The following KIAA1614 variants were observed in gnomAD, a reference collection of about 807,000 sequenced individuals.
The protein encoded by KIAA1614 is uncharacterized protein KIAA1614.
A neutral mutation model predicts 88.7 loss-of-function variants in KIAA1614; 76 were observed. The ratio of observed to expected loss-of-function variants is 0.86; its 90% CI spans 0.71 to 1.04. The LOEUF (loss-of-function observed/expected upper bound fraction) is 1.04. KIAA1614 is among the 50% of genes least tolerant of loss of function. KIAA1614 has a pLI of 0.00. For synonymous variants in KIAA1614, 714 were observed against 675.5 expected (o/e 1.06, Z -0.88); for missense variants, 1,553 against 1,582.5 (o/e 0.98, Z 0.32).
intron 6 of KIAA1614, 103 bp downstream of exon 6, chr1:180,938,814 C>A (rs1654390743): frequency 2.8e-6 from 3 of 1,055,558 alleles, no homozygotes; most frequent in Admixed American, 4.8e-5. Flanking sequence ...CACCTCCCTG[C>A]CCCTAGTCTT....
chr1:180,932,560 G>GC (rs563471779), intron 4 of KIAA1614, among the ~76,000 whole-genome samples: 138 of 152,292 alleles, frequency 9.1e-4, no homozygotes, highest in Non-Finnish European at 1.7e-3. Flanking sequence ...TGTGCCTGAT[G>GC]AATGAGTAGC....
chr1:180,916,860 G>A lies in KIAA1614; in HGVS notation c.757G>A (p.Asp253Asn), dbSNP rs1286993505. Reference sequence around the variant, plus strand: ...TCCAGATGGCGTGGTGACAGAGGCAGATCTGGATAGCACATCCCTGACCTC... The same window carrying A: ...TCCAGATGGCGTGGTGACAGAGGCAAATCTGGATAGCACATCCCTGACCTC... ...PFPDGVVTEA[D>N]LDSTSLTSEE... The change falls in exon 2 of 9, where the codon GAT becomes AAT. Residue 253 changes from aspartate to asparagine, a missense_variant. Transcript: ENST00000367588. 1.9e-6 allele frequency: 3 copies of A among 1,614,124 alleles called. No homozygotes were observed. The African/African-American group carries it at 4.0e-5, about 22-fold the overall frequency.
At chr1:180,924,340 C>T (rs1028309035) in intron 3 of KIAA1614, among the ~76,000 whole-genome samples, 10 of 152,242 alleles carry the variant, frequency 6.6e-5, no homozygotes, top group African/African-American at 2.4e-4. Context: ...CTGTGGCCAC[C>T]CAGGTCCCAC....
chr1:180,916,712 G>T lies in KIAA1614; in HGVS notation c.609G>T (p.Leu203=). 1.2e-6 allele frequency: 2 copies of T among 1,613,086 alleles called. No individual in the cohort carries two copies. The highest frequency in any genetic ancestry group is 1.7e-6 in the Non-Finnish European group (2 of 1,179,404). ...CTGACCATGACAGAGGTCCGCTGCTGGGGCCCAGCTCTTTGCAACAGAGCC... is the reference window on the plus strand; with the variant it reads ...CTGACCATGACAGAGGTCCGCTGCTTGGGCCCAGCTCTTTGCAACAGAGCC... The part of the protein sequence containing the change: ...TLPDHDRGPL[L]GPSSLQQSPI... Residue 203 remains leucine, a synonymous_variant, in exon 2 of 9, where the codon CTG becomes CTT. Transcript: ENST00000367588.
chr1:180,928,782 G>A (rs1654129916), intron 4 of KIAA1614, among the ~76,000 whole-genome samples: 1 of 147,352 alleles, frequency 6.8e-6, no homozygotes, highest in African/African-American at 2.5e-5. Flanking sequence ...GAGATACAAA[G>A]ATGAATGAAA....
chr1:180,916,227 C>T lies in KIAA1614; in HGVS notation c.124C>T (p.Pro42Ser), dbSNP rs754193663. Residue 42 changes from proline to serine, a missense_variant, in exon 2 of 9, where the codon CCA (proline) becomes TCA (serine). Transcript: ENST00000367588. ...AGCTGTGGAGTGGAGTGGTCCTGAG[C>T]CACAGCTGGATAACGGACACCCCCC... The part of the protein sequence containing the change: ...TSAVEWSGPE[P>S]QLDNGHPPRP... 1 of 1,613,122 alleles carries T rather than the reference C, an allele frequency of 6.2e-7. No individual in the cohort carries two copies. The highest frequency in any genetic ancestry group is 8.5e-7 in the Non-Finnish European group (1 of 1,179,824).
chr1:180,919,441 C>G (rs151081433), intron 3 of KIAA1614, among the ~76,000 whole-genome samples: 1 of 152,240 alleles, frequency 6.6e-6, no homozygotes, highest in Non-Finnish European at 1.5e-5. Flanking sequence ...TCAGCCGGCT[C>G]TGCTCCCCTG....
At chr1:180,941,501 C>T (rs768985729) in intron 7 of KIAA1614, among the ~76,000 whole-genome samples, 6 of 152,142 alleles carry the variant, frequency 3.9e-5, no homozygotes, top group Admixed American at 1.3e-4. Context: ...CCCCGCCAGC[C>T]GCCCAGGCCT....
intron 4 of KIAA1614, among the ~76,000 whole-genome samples, chr1:180,931,848 C>T (rs1039384048): frequency 6.6e-6 from 1 of 152,152 alleles, no homozygotes; most frequent in Non-Finnish European, 1.5e-5. Context: ...TGCCAGCGGA[C>T]AGGGCACTAG....
intron 3 of KIAA1614, among the ~76,000 whole-genome samples, chr1:180,919,599 G>A (rs796273519): frequency 6.6e-5 from 10 of 152,270 alleles, no homozygotes; most frequent in African/African-American, 2.4e-4. Context: ...TTCCTCCCTC[G>A]ATGAGGGAAG....
chr1:180,943,794 C>T (rs562565697), intron 7 of KIAA1614, among the ~76,000 whole-genome samples: 25 of 151,452 alleles, frequency 1.7e-4, no homozygotes, highest in Middle Eastern at 3.4e-3. Flanking sequence ...GTGATCTGCC[C>T]GCCTCAGCCT....
intron 4 of KIAA1614, among the ~76,000 whole-genome samples, chr1:180,934,864 G>C (rs1365714942): frequency 6.6e-6 from 1 of 152,222 alleles, no homozygotes; most frequent in Non-Finnish European, 1.5e-5. Context: ...CCATGCAAGA[G>C]AGGGAAAGCC....
chr1:180,913,835 G>C (rs1222641813), intron 1 of KIAA1614: 1 of 152,176 alleles, frequency 6.6e-6, no homozygotes, highest in African/African-American at 2.4e-5. Flanking sequence ...GGACTTTAGA[G>C]GAGAAGAAGG....
In KIAA1614 at chr1:180,943,027, G is replaced by GTTTTTTTTTTTTTTTTT. The variant is rs1261396134; in HGVS notation, c.3160-1362_3160-1361insTTTTTTTTTTTTTTTTT. On this transcript the variant is annotated intron_variant, in intron 7 of 8. Transcript: ENST00000367588. ...GTTTGCTGGGAGGCTTAGTTTTTTG[G>GTTTTTTTTTTTTTTTTT]GTTTTTTTTTTTTTTTTAAGATGGA... Among the ~76,000 whole-genome samples, 7 of 22,316 alleles carry GTTTTTTTTTTTTTTTTT rather than the reference G, an allele frequency of 3.1e-4. 2 individuals carry two copies. Among genetic ancestry groups the GTTTTTTTTTTTTTTTTT allele is most frequent in the African/African-American group, 6.7e-4 (7 of 10,518 alleles). 14.6% of individuals were successfully genotyped at this position (22,316 alleles called of 152,430 possible).
At chr1:180,930,058 C>G (rs954930465) in intron 4 of KIAA1614, among the ~76,000 whole-genome samples, 3 of 152,186 alleles carry the variant, frequency 2.0e-5, no homozygotes, top group African/African-American at 4.8e-5. Flanking sequence ...GGGTGCCAAA[C>G]AGACTGCCCT....
chr1:180,919,413 C>G (rs889598657), intron 3 of KIAA1614, among the ~76,000 whole-genome samples: 30 of 152,338 alleles, frequency 2.0e-4, no homozygotes, highest in African/African-American at 7.0e-4. Context: ...AGCGTGACTA[C>G]AGAAAGGCCT....
At chr1:180,921,779 G>A (rs888889925) in intron 3 of KIAA1614, among the ~76,000 whole-genome samples, 2 of 152,214 alleles carry the variant, frequency 1.3e-5, no homozygotes, top group African/African-American at 4.8e-5. Context: ...GAGGTGAGAC[G>A]TTGGGCCTCA....
Position 180,945,377 on chromosome 1 carries a change from GC to G in KIAA1614, c.3364del (p.Arg1122AlafsTer81), listed in dbSNP as rs1654568772. 6.3e-7 allele frequency: 1 copy of G among 1,599,354 alleles called. No homozygotes were observed. The highest frequency in any genetic ancestry group is 1.4e-5 in the African/African-American group (1 of 73,952). ...VGAPSLARTVGRLVEVFPDGT... is the reference protein window; with the variant it reads ...VGAPSLARTVXRLVEVFPDGT... ...GCTCCCAGCCTGGCTCGCACCGTGG[GC>G]CGCCTGGTGGAGGTGTTCCCAGACG... On this transcript the variant is annotated frameshift_variant, in exon 9 of 9. Coordinates refer to ENST00000367588, the MANE Select transcript of KIAA1614 (RefSeq NM_020950.2). LOFTEE classifies it low-confidence loss of function (END_TRUNC).
chr1:180,922,300 G>C (rs544931910), intron 3 of KIAA1614, among the ~76,000 whole-genome samples: 1 of 152,222 alleles, frequency 6.6e-6, no homozygotes, highest in Non-Finnish European at 1.5e-5. Context: ...AACATCCTAG[G>C]TTGTTTATTT....
Sources: gnomAD v4.1 joint callset for allele counts (sites outside exome capture counted in the v4.1 genomes callset) on GRCh38, gnomAD v4.1.1 for gene constraint, MANE v1.5 for transcripts, NCBI Gene and HGNC (gene_info 2026-07-23, HGNC 2026-07-21) for gene names.